GRM3: variants seen among roughly 807,000 people sequenced by gnomAD.
GRM3 encodes the protein glutamate metabotropic receptor 3, also known as metabotropic glutamate receptor 3.
In GRM3, 26 loss-of-function variants were observed where a neutral mutation model predicts 70.5. The observed-to-expected ratio is 0.37, with a 90% CI of 0.27 to 0.51. The LOEUF (loss-of-function observed/expected upper bound fraction) is 0.51. Among genes scored for constraint, GRM3 ranks in the 20% least tolerant of loss-of-function variants. The pLI, the probability that GRM3 is intolerant of heterozygous loss-of-function variation, is 0.93. For synonymous variants in GRM3, 443 were observed against 434.9 expected (o/e 1.02, Z -0.23); for missense variants, 859 against 1,123.8 (o/e 0.76, Z 3.37).
intron 1 of GRM3, among the ~76,000 whole-genome samples, chr7:86,665,739 T>C (rs370297173): frequency 1.3e-5 from 2 of 152,032 alleles, no homozygotes; most frequent in East Asian, 3.9e-4. Context: ...TTTATATAAA[T>C]TATCATGCGT....
At chr7:86,798,381 T>C (rs565673607) in intron 3 of GRM3, among the ~76,000 whole-genome samples, 19 of 152,300 alleles carry the variant, frequency 1.2e-4, no homozygotes, top group African/African-American at 4.6e-4. Flanking sequence ...TTGCATGAGC[T>C]TGACCTGGAT....
chr7:86,730,037 G>A (rs1386757806), intron 1 of GRM3, among the ~76,000 whole-genome samples: 1 of 152,050 alleles, frequency 6.6e-6, no homozygotes, highest in Non-Finnish European at 1.5e-5. Context: ...AACCTGGGAG[G>A]CGGAGGTTGC....
intron 1 of GRM3, among the ~76,000 whole-genome samples, chr7:86,647,025 T>A (rs1381762286): frequency 6.6e-6 from 1 of 152,190 alleles, no homozygotes; most frequent in African/African-American, 2.4e-5. Context: ...AATGCAAATA[T>A]AACGAAATTG....
At chr7:86,823,217 A>G (rs768182136) in intron 3 of GRM3, among the ~76,000 whole-genome samples, 1 of 152,150 alleles carries the variant, frequency 6.6e-6, no homozygotes, top group Non-Finnish European at 1.5e-5. Context: ...TTCATGTTGT[A>G]TATGTTTTGT....
chr7:86,809,545 G>A (rs922059358), intron 3 of GRM3, among the ~76,000 whole-genome samples: 2 of 152,042 alleles, frequency 1.3e-5, no homozygotes, highest in Non-Finnish European at 2.9e-5. Context: ...AATAGGGATA[G>A]CAAGGTGGCC....
At chr7:86,834,448 G>C (rs1236147285) in intron 3 of GRM3, among the ~76,000 whole-genome samples, 1 of 152,036 alleles carries the variant, frequency 6.6e-6, no homozygotes, top group African/African-American at 2.4e-5. Context: ...CCTTCCAAAA[G>C]CTCATTCTTG....
At chr7:86,768,145 T>G (rs1463393910) in intron 2 of GRM3, among the ~76,000 whole-genome samples, 2 of 152,002 alleles carry the variant, frequency 1.3e-5, no homozygotes, top group Admixed American at 6.6e-5. Context: ...ATCTGTAAAA[T>G]GAAGAAAATA....
intron 3 of GRM3, among the ~76,000 whole-genome samples, chr7:86,823,609 G>GT (rs1562875106): frequency 1.7e-5 from 2 of 116,300 alleles, no homozygotes; most frequent in Non-Finnish European, 1.8e-5. Context: ...TTTTTTTGGC[G>GT]GGGGGGGATT....
At chr7:86,706,610 A>C (rs1795062863) in intron 1 of GRM3, among the ~76,000 whole-genome samples, 2 of 152,004 alleles carry the variant, frequency 1.3e-5, no homozygotes, top group Admixed American at 1.3e-4. Flanking sequence ...GAGTCAAAGG[A>C]GTGCAAGGCT....
chr7:86,710,852 GATTGTT>G (rs1296285071), intron 1 of GRM3, among the ~76,000 whole-genome samples: 5 of 151,962 alleles, frequency 3.3e-5, no homozygotes, highest in Non-Finnish European at 7.4e-5. Flanking sequence ...CCAAAAGGTA[GATTGTT>G]ATTATTATTA....
intron 5 of GRM3, among the ~76,000 whole-genome samples, chr7:86,853,538 A>G (rs548160160): frequency 1.3e-5 from 2 of 152,282 alleles, no homozygotes; most frequent in East Asian, 3.9e-4. Flanking sequence ...GATAAAGCAT[A>G]TGTTTTTCTT....
chr7:86,861,132 G>A (rs1798949180), intron 5 of GRM3, among the ~76,000 whole-genome samples: 1 of 152,220 alleles, frequency 6.6e-6, no homozygotes, highest in Non-Finnish European at 1.5e-5. Flanking sequence ...CTCTTGGCAA[G>A]GGTAGTTGAT....
In GRM3 at chr7:86,753,763, A is replaced by T. The variant is rs569197314; in HGVS notation, c.-140-11243A>T. Among the ~76,000 whole-genome samples the T allele has an allele frequency of 3.3e-5, 5 of 152,252 alleles. No homozygotes were observed. The East Asian group carries it at 5.8e-4, about 18-fold the overall frequency. On this transcript the variant is annotated intron_variant, in intron 1 of 5. Coordinates refer to ENST00000361669, the MANE Select transcript of GRM3 (RefSeq NM_000840.3). ...ACTTGATTTTCTAGGAATGGATTTTATAAGAGCATTGTTAAATTTACCACC... is the reference window on the plus strand; with the variant it reads ...ACTTGATTTTCTAGGAATGGATTTTTTAAGAGCATTGTTAAATTTACCACC...
intron 1 of GRM3, among the ~76,000 whole-genome samples, chr7:86,664,902 G>A (rs1315557092): frequency 6.6e-6 from 1 of 151,986 alleles, no homozygotes; most frequent in Non-Finnish European, 1.5e-5. Flanking sequence ...GGGAAGTTCT[G>A]GCCAGCATTA....
chr7:86,682,105 G>T (rs778233013), intron 1 of GRM3, among the ~76,000 whole-genome samples: 1 of 152,168 alleles, frequency 6.6e-6, no homozygotes, highest in Non-Finnish European at 1.5e-5. Context: ...CAGTGCATTT[G>T]CAAAGCAGAG....
chr7:86,814,168 T>C (rs1169460639), intron 3 of GRM3, among the ~76,000 whole-genome samples: 1 of 151,874 alleles, frequency 6.6e-6, no homozygotes, highest in Non-Finnish European at 1.5e-5. Flanking sequence ...ACAGTCTGAA[T>C]GTACTCACCT....
At chr7:86,657,446 G>A (rs1793775876) in intron 1 of GRM3, among the ~76,000 whole-genome samples, 1 of 152,202 alleles carries the variant, frequency 6.6e-6, no homozygotes, top group Non-Finnish European at 1.5e-5. Flanking sequence ...TTCAGGAAGT[G>A]GAGGATTTCA....
chr7:86,765,985 A>T (rs927952745), intron 2 of GRM3, among the ~76,000 whole-genome samples: 1 of 152,166 alleles, frequency 6.6e-6, no homozygotes, highest in South Asian at 2.1e-4. Context: ...GGAATCGATC[A>T]TCTAGCCCAG....
chr7:86,653,119 C>T (rs1793647904), intron 1 of GRM3, among the ~76,000 whole-genome samples: 1 of 152,172 alleles, frequency 6.6e-6, no homozygotes, highest in Admixed American at 6.5e-5. Context: ...GGTGAGAGTC[C>T]TCTTCCCAAG....
Sources: gnomAD v4.1 joint callset for allele counts (sites outside exome capture counted in the v4.1 genomes callset) on GRCh38, gnomAD v4.1.1 for gene constraint, MANE v1.5 for transcripts, NCBI Gene and HGNC (gene_info 2026-07-23, HGNC 2026-07-21) for gene names.